The following PGBD2 variants were observed in gnomAD, a reference collection of about 807,000 sequenced individuals.
PGBD2 encodes piggyBac transposable element-derived protein 2.
In PGBD2, 6 loss-of-function variants were observed where a neutral mutation model predicts 8.1. The observed-to-expected ratio is 0.74, with a 90% CI of 0.40 to 1.46. The LOEUF is 1.46. PGBD2 is among the 40% of genes most tolerant of loss of function. The probability of loss-of-function intolerance (pLI) is 0.02; values close to 1 mark genes in which losing one functional copy is unlikely to be tolerated. For missense variants in PGBD2, 802 were observed against 739.0 expected (o/e 1.09, Z -0.99); for synonymous variants, 318 against 272.2 (o/e 1.17, Z -1.66).
chr1:248,877,266 C>G, the PGBD2 span, among the ~76,000 whole-genome samples: 373 of 152,234 alleles, frequency 2.5e-3, 4 homozygotes, highest in African/African-American at 8.5e-3. Flanking sequence ...TACACGCCAT[C>G]ATAGAGTGAA....
downstream of PGBD2, among the ~76,000 whole-genome samples, chr1:248,921,924 C>T (rs546524405): frequency 3.3e-5 from 5 of 152,150 alleles, no homozygotes; most frequent in Non-Finnish European, 5.9e-5. Flanking sequence ...ACTCATGATT[C>T]GGCTGTTTGT....
the PGBD2 span, among the ~76,000 whole-genome samples, chr1:248,893,484 G>A: frequency 0.022 from 3,288 of 152,238 alleles, 126 homozygotes; most frequent in African/African-American, 0.075. Context: ...CTGTCGTACT[G>A]TAACTGACTT....
Position 248,917,702 on chromosome 1 carries a change from C to G in PGBD2, c.1118C>G (p.Thr373Ser), listed in dbSNP as rs1004050229. The G allele has an allele frequency of 5.0e-6, 8 of 1,614,088 alleles. No individual in the cohort carries two copies. The highest frequency in any genetic ancestry group is 1.3e-5 in the African/African-American group (1 of 74,922). The change falls in exon 3 of 3, where the codon ACT becomes AGT. Residue 373 changes from threonine to serine, a missense_variant. Physicochemically the swap from Thr to Ser is moderately conservative, Grantham distance 58. Transcript: ENST00000329291. ...LRKKGVKATG[T>S]VREYRTERCP... is the part of the protein sequence containing the mutation. Reference sequence around the variant, plus strand: ...AAAAAGGGGGTGAAAGCCACAGGAACTGTTCGTGAGTACAGGACTGAGCGA... The same window carrying G: ...AAAAAGGGGGTGAAAGCCACAGGAAGTGTTCGTGAGTACAGGACTGAGCGA...
At chr1:248,923,621 T>C (rs35622786), downstream of PGBD2, among the ~76,000 whole-genome samples, 15,416 of 152,216 alleles carry the variant, frequency 0.1, 1,590 homozygotes, top group African/African-American at 0.26. Context: ...TAAAAAACAC[T>C]CTAGTGTTCT....
At chr1:248,889,161 C>A in the PGBD2 span, among the ~76,000 whole-genome samples, 1 of 152,106 alleles carries the variant, frequency 6.6e-6, no homozygotes, top group Admixed American at 6.6e-5. Context: ...CCAAGGTGGG[C>A]AGATCATGAG....
chr1:248,885,707 T>C, the PGBD2 span, among the ~76,000 whole-genome samples: 3 of 152,324 alleles, frequency 2.0e-5, no homozygotes, highest in Admixed American at 6.5e-5. Context: ...CTGTTCTTTA[T>C]ATATTTGAAG....
At position 248,916,912 on chromosome 1, in the gene PGBD2, C is replaced by A; in HGVS notation, c.328C>A (p.Arg110Ser). The A allele has an allele frequency of 6.2e-7, 1 of 1,613,914 alleles. No homozygotes were observed. The highest frequency in any genetic ancestry group is 8.5e-7 in the Non-Finnish European group (1 of 1,179,986). Residue 110 changes from arginine to serine, a missense_variant, in exon 3 of 3, where the codon CGC becomes AGC. Arg to Ser is a moderately radical substitution (Grantham distance 110). Coordinates refer to ENST00000329291, the MANE Select transcript of PGBD2 (RefSeq NM_170725.3). ...KRQKAVVKPQ[R>S]IWTKRDIRPD... ...GCAGAAAGCAGTTGTGAAACCTCAG[C>A]GCATTTGGACCAAAAGAGATATTCG...
At chr1:248,890,681 CAT>C in the PGBD2 span, among the ~76,000 whole-genome samples, 1 of 151,498 alleles carries the variant, frequency 6.6e-6, no homozygotes, top group African/African-American at 2.4e-5. Context: ...ACACATGCAC[CAT>C]ACACACCAAC....
chr1:248,874,193 T>G, the PGBD2 span, among the ~76,000 whole-genome samples: 2 of 152,222 alleles, frequency 1.3e-5, no homozygotes, highest in Non-Finnish European at 2.9e-5. Flanking sequence ...CTATAGGAGA[T>G]ACGTCACAGG....
the PGBD2 span, among the ~76,000 whole-genome samples, chr1:248,874,869 T>C: frequency 6.6e-6 from 1 of 151,630 alleles, no homozygotes; most frequent in African/African-American, 2.4e-5. Flanking sequence ...TCTCTCTCTC[T>C]CTCTCTCTTC....
intron 1 of PGBD2, among the ~76,000 whole-genome samples, chr1:248,909,049 C>A (rs896150685): frequency 2.6e-5 from 4 of 152,204 alleles, no homozygotes; most frequent in African/African-American, 9.7e-5. Flanking sequence ...GTAGATACTT[C>A]AGATGTTTGC....
At chr1:248,884,414 C>T in the PGBD2 span, among the ~76,000 whole-genome samples, 2 of 152,088 alleles carry the variant, frequency 1.3e-5, no homozygotes, top group African/African-American at 4.8e-5. Context: ...GATCTCGGCT[C>T]ATTGCAACCT....
At chr1:248,907,118 G>A (rs544578189) in intron 1 of PGBD2, among the ~76,000 whole-genome samples, 8 of 152,304 alleles carry the variant, frequency 5.3e-5, no homozygotes, top group African/African-American at 9.6e-5. Context: ...CATTATCTCA[G>A]CAAGAGGAAT....
the PGBD2 span, among the ~76,000 whole-genome samples, chr1:248,929,528 A>T: frequency 6.6e-6 from 1 of 152,320 alleles, no homozygotes; most frequent in Non-Finnish European, 1.5e-5. Context: ...GTAGGTGAGC[A>T]ATTAAACCCT....
chr1:248,874,265 GTTAGGA>G, the PGBD2 span, among the ~76,000 whole-genome samples: 3 of 152,238 alleles, frequency 2.0e-5, no homozygotes, highest in East Asian at 5.8e-4. Context: ...TGGTCTAGTG[GTTAGGA>G]TTCGGCGCTC....
chr1:248,911,774 G>A (rs979121093), intron 1 of PGBD2, among the ~76,000 whole-genome samples: 15 of 151,662 alleles, frequency 9.9e-5, no homozygotes, highest in Admixed American at 2.6e-4. Flanking sequence ...CCTCCCGGAC[G>A]GGGTGGCTGG....
chr1:248,881,480 C>T, the PGBD2 span, among the ~76,000 whole-genome samples: 1,254 of 152,258 alleles, frequency 8.2e-3, 22 homozygotes, highest in African/African-American at 0.029. Flanking sequence ...TTTACCTTCC[C>T]ATGTAAAGTT....
the PGBD2 span, among the ~76,000 whole-genome samples, chr1:248,899,971 A>G: frequency 1.3e-5 from 2 of 152,012 alleles, no homozygotes; most frequent in Non-Finnish European, 2.9e-5. Flanking sequence ...AATAAACTAC[A>G]AAATCTAGAA....
downstream of PGBD2, among the ~76,000 whole-genome samples, chr1:248,921,203 G>A (rs928627888): frequency 6.6e-6 from 1 of 152,172 alleles, no homozygotes; most frequent in African/African-American, 2.4e-5. Context: ...TTTTAGACAT[G>A]AAGTCTTTGC....
Sources: gnomAD v4.1 joint callset for allele counts (sites outside exome capture counted in the v4.1 genomes callset) on GRCh38, gnomAD v4.1.1 for gene constraint, MANE v1.5 for transcripts, NCBI Gene and HGNC (gene_info 2026-07-23, HGNC 2026-07-21) for gene names.